C1QTNF1: variants seen among roughly 807,000 people sequenced by gnomAD.
The protein encoded by C1QTNF1 is C1q and TNF related 1.
In C1QTNF1, 22 loss-of-function variants were observed where a neutral mutation model predicts 27.8. The observed-to-expected ratio is 0.79, with a 90% CI of 0.56 to 1.13. The LOEUF is 1.13. C1QTNF1 is among the 50% of genes most tolerant of loss of function. The pLI, the probability that C1QTNF1 is intolerant of heterozygous loss-of-function variation, is 0.00. For missense variants in C1QTNF1, 373 were observed against 380.2 expected, an observed-to-expected ratio of 0.98 and a Z score of 0.16; for synonymous variants, 166 against 154.3, an observed-to-expected ratio of 1.08 and a Z score of -0.56.
At chr17:79,044,609 G>T (rs538536037) in intron 2 of C1QTNF1, among the ~76,000 whole-genome samples, 191 of 152,254 alleles carry the variant, frequency 1.3e-3, no homozygotes, top group African/African-American at 4.4e-3. Context: ...AGACTGGGTG[G>T]GCCAAGTGTC....
In C1QTNF1 at chr17:79,046,240, G is replaced by A. The variant is rs4789912; in HGVS notation, c.156-315G>A. Among the ~76,000 whole-genome samples the A allele has an allele frequency of 0.21, 31,292 of 152,194 alleles. 3,882 individuals are homozygous for A. Among genetic ancestry groups the A allele is most frequent in the East Asian group, 0.57 (2,940 of 5,168 alleles). On this transcript the variant is annotated intron_variant, in intron 2 of 3. Transcript: ENST00000579760. The surrounding 1 kb of genome is among the most constrained non-coding windows in gnomAD (Gnocchi z 4.8). ...ATATACGATAGGGAGTCCCGGCATT[G>A]TCTTGTGTCACCCAAAGACCCTCTC...
intron 1 of C1QTNF1, among the ~76,000 whole-genome samples, chr17:79,041,404 A>G (rs867599345): frequency 5.3e-5 from 8 of 152,168 alleles, no homozygotes; most frequent in African/African-American, 1.9e-4. Context: ...CTCTATCGGG[A>G]GAGCCCTGGA....
rs561409216 is a variant in C1QTNF1, at chr17:79,046,403, G to A, written c.156-152G>A. ...GGTAGTGAGGATCCCAGAGTGGGCC[G>A]TGAGCCCACCAGCGTGAACACAGAG... is the stretch of plus-strand genomic sequence containing the variant. On this transcript the variant is annotated intron_variant, in intron 2 of 3. Transcript: ENST00000579760. This position sits in a 1 kb window ranked among gnomAD's most constrained non-coding sequence, Gnocchi z 4.8. 41 of 1,055,448 alleles carry A rather than the reference G, an allele frequency of 3.9e-5. No homozygotes were observed. Among genetic ancestry groups the A allele is most frequent in the Middle Eastern group, 3.1e-4 (1 of 3,222 alleles). 65.4% of individuals were successfully genotyped at this position (1,055,448 alleles called of 1,614,324 possible). A position where few individuals can be genotyped will look rare whatever the true frequency, so the allele number is the denominator to read the frequency against.
intron 1 of C1QTNF1, among the ~76,000 whole-genome samples, chr17:79,041,093 T>C (rs2072395237): frequency 6.6e-6 from 1 of 152,168 alleles, no homozygotes; most frequent in African/African-American, 2.4e-5. Context: ...TAGATGTGTA[T>C]TTTATAAATT....
At chr17:79,025,713 T>G (rs1267658422) in intron 1 of C1QTNF1, 1 of 195,662 alleles carries the variant, frequency 5.1e-6, no homozygotes, top group Non-Finnish European at 1.1e-5. Context: ...TGGGAGGACG[T>G]GCTCCAGGAG....
chr17:79,046,757 G>C lies in C1QTNF1; in HGVS notation c.295+63G>C. ...CTGCTCTGTGCTGATCCGGAGGAAGGGATGGAGTCGTTAGGGTGGGGCTAG... is the reference window on the plus strand; with the variant it reads ...CTGCTCTGTGCTGATCCGGAGGAAGCGATGGAGTCGTTAGGGTGGGGCTAG... On this transcript the variant is annotated intron_variant, in intron 3 of 3. Coordinates refer to ENST00000579760, the MANE Select transcript of C1QTNF1 (RefSeq NM_030968.5). This position sits in a 1 kb window ranked among gnomAD's most constrained non-coding sequence, Gnocchi z 4.8. 6.3e-7 allele frequency: 1 copy of C among 1,599,118 alleles called. No individual in the cohort carries two copies. The highest frequency in any genetic ancestry group is 8.5e-7 in the Non-Finnish European group (1 of 1,169,898).
intron 1 of C1QTNF1, among the ~76,000 whole-genome samples, chr17:79,032,000 G>A (rs918862199): frequency 1.3e-5 from 2 of 152,198 alleles, no homozygotes; most frequent in African/African-American, 4.8e-5. Context: ...ATCTTTGGAC[G>A]ATGGCTCTGT....
At position 79,047,893 on chromosome 17, in the gene C1QTNF1, G is replaced by A. The variant is rs143984383; in HGVS notation, c.651G>A (p.Glu217=). The A allele has an allele frequency of 3.1e-6, 5 of 1,614,088 alleles. No homozygotes were observed. Among genetic ancestry groups the A allele is most frequent in the South Asian group, 1.1e-5 (1 of 91,088 alleles). ...TYLHIMKNEE[E]VVILFAQVGD... is the part of the protein sequence containing the mutation. ...TGCACATCATGAAGAACGAGGAGGAGGTGGTGATCTTGTTCGCGCAGGTGG... is the reference window on the plus strand; with the variant it reads ...TGCACATCATGAAGAACGAGGAGGAAGTGGTGATCTTGTTCGCGCAGGTGG... Residue 217 remains glutamate, a synonymous_variant, in exon 4 of 4, where the codon GAG becomes GAA. Transcript: ENST00000579760.
In C1QTNF1 at chr17:79,024,382, T is replaced by G. The variant is rs1238941016; in HGVS notation, c.-127T>G. Reference sequence around the variant, plus strand: ...CCGTCCTCCGGAAGACCTTTTCCCCTGCTCTGTTTCCTTCACCGAGTCTGT... The same window carrying G: ...CCGTCCTCCGGAAGACCTTTTCCCCGGCTCTGTTTCCTTCACCGAGTCTGT... On this transcript the variant is annotated 5_prime_UTR_variant, in exon 1 of 4. Transcript: ENST00000579760. 1 of 152,060 alleles carries G rather than the reference T, an allele frequency of 6.6e-6. No individual in the cohort carries two copies. The highest frequency in any genetic ancestry group is 1.5e-5 in the Non-Finnish European group (1 of 68,126). The allele number at this position is 152,060 out of a possible 1,614,324, so 9.4% of individuals were successfully genotyped here. A position where few individuals can be genotyped will look rare whatever the true frequency, so the allele number is the denominator to read the frequency against.
At chr17:79,042,919 C>T (rs924035457) in intron 1 of C1QTNF1, among the ~76,000 whole-genome samples, 4 of 152,064 alleles carry the variant, frequency 2.6e-5, no homozygotes, top group South Asian at 2.1e-4. Context: ...CGGGCGTGCA[C>T]GTGAGTGTGC....
chr17:79,047,008 G>C, intron 3 of C1QTNF1: 1 of 343,726 alleles, frequency 2.9e-6, no homozygotes, highest in Non-Finnish European at 5.3e-6. Flanking sequence ...CTTTGCTTTG[G>C]GGCTTGGTCC....
chr17:79,032,519 G>A (rs1446307615), intron 1 of C1QTNF1, among the ~76,000 whole-genome samples: 1 of 152,182 alleles, frequency 6.6e-6, no homozygotes, highest in Non-Finnish European at 1.5e-5. Context: ...CAGCGTGGGA[G>A]ACAGATGGGA....
At chr17:79,035,932 C>A (rs755417561) in intron 1 of C1QTNF1, among the ~76,000 whole-genome samples, 3 of 152,156 alleles carry the variant, frequency 2.0e-5, no homozygotes, top group Non-Finnish European at 2.9e-5. Flanking sequence ...AGGCACAGGG[C>A]AGGAGGGAGA....
chr17:79,042,849 ACATGTGAGCG>A (rs1374622251), intron 1 of C1QTNF1, among the ~76,000 whole-genome samples: 1 of 152,226 alleles, frequency 6.6e-6, no homozygotes, highest in Non-Finnish European at 1.5e-5. Context: ...AGGTGTGTGT[ACATGTGAGCG>A]CATGTGTGCA....
rs181534883 is a variant in C1QTNF1, at chr17:79,025,770, A to G, written c.-15+1276A>G. 6.5e-4 allele frequency: 135 copies of G among 206,202 alleles called. No individual in the cohort carries two copies. The East Asian group carries it at 0.012, about 19-fold the overall frequency. The allele number at this position is 206,202 out of a possible 1,614,324, so 12.8% of individuals were successfully genotyped here. On this transcript the variant is annotated intron_variant, in intron 1 of 3. Coordinates refer to ENST00000579760, the MANE Select transcript of C1QTNF1 (RefSeq NM_030968.5). Reference sequence around the variant, plus strand: ...CGGGGAGGAGGGAACCAAGACAGGGAGATGGGAGCCGAGGTCTGAGGACAA... The same window carrying G: ...CGGGGAGGAGGGAACCAAGACAGGGGGATGGGAGCCGAGGTCTGAGGACAA...
chr17:79,041,303 A>G (rs58349943), intron 1 of C1QTNF1, among the ~76,000 whole-genome samples: 29,035 of 152,076 alleles, frequency 0.19, 3,894 homozygotes, highest in African/African-American at 0.38. Context: ...GGGCCATGCA[A>G]GGTGGTGAAG....
At position 79,048,156 on chromosome 17, in the gene C1QTNF1, C is replaced by T; in HGVS notation, c.*68C>T. On this transcript the variant is annotated 3_prime_UTR_variant, in exon 4 of 4. Coordinates refer to ENST00000579760, the MANE Select transcript of C1QTNF1 (RefSeq NM_030968.5). The stretch of plus-strand genomic sequence containing the variant: ...CGCTGTGCTGACCCCACCGCCTCTT[C>T]CCCGATCCCTGGACTCCGACTCCCT... The T allele has an allele frequency of 5.3e-6, 5 of 937,486 alleles. No homozygotes were observed. The highest frequency in any genetic ancestry group is 6.8e-6 in the Non-Finnish European group (5 of 740,158). 58.1% of individuals were successfully genotyped at this position (937,486 alleles called of 1,614,324 possible).
At chr17:79,025,725 C>T in intron 1 of C1QTNF1, 1 of 197,496 alleles carries the variant, frequency 5.1e-6, no homozygotes, top group Non-Finnish European at 1.1e-5. Context: ...CTCCAGGAGG[C>T]CTCTCCAGCA....
chr17:79,048,293 G>A lies in C1QTNF1; in HGVS notation c.*205G>A. The A allele has an allele frequency of 1.7e-6, 1 of 591,990 alleles. No homozygotes were observed. The highest frequency in any genetic ancestry group is 2.8e-6 in the Non-Finnish European group (1 of 353,384). 36.7% of individuals were successfully genotyped at this position (591,990 alleles called of 1,614,324 possible). A position where few individuals can be genotyped will look rare whatever the true frequency, so the allele number is the denominator to read the frequency against. On this transcript the variant is annotated 3_prime_UTR_variant, in exon 4 of 4. Coordinates refer to ENST00000579760, the MANE Select transcript of C1QTNF1 (RefSeq NM_030968.5). Reference sequence around the variant, plus strand: ...GACGGCAGATGAAATCACCAGGGCGGGGCACCCGCGAGAACCCTCTGGGAC... The same window carrying A: ...GACGGCAGATGAAATCACCAGGGCGAGGCACCCGCGAGAACCCTCTGGGAC...
Sources: allele counts gnomAD v4.1 joint callset (sites outside exome capture counted in the v4.1 genomes callset), GRCh38; gene constraint gnomAD v4.1.1; non-coding constraint Gnocchi (gnomAD v3.1); transcripts MANE v1.5; gene names NCBI Gene and HGNC (gene_info 2026-07-23, HGNC 2026-07-21).